Variants in ACYP2 observed in about 807,000 individuals in gnomAD.
The protein encoded by ACYP2 is acylphosphatase-2.
A neutral mutation model predicts 11.2 loss-of-function variants in ACYP2; 12 were observed. The ratio of observed to expected loss-of-function variants is 1.08; its 90% CI spans 0.69 to 1.74. ACYP2 has a LOEUF of 1.74. ACYP2 is among the 40% of genes most tolerant of loss of function. ACYP2 has a pLI of 0.00. For missense variants in ACYP2, 134 were observed against 101.9 expected (o/e 1.31, Z -1.35); for synonymous variants, 43 against 32.2 (o/e 1.33, Z -1.13).
intron 6 of ACYP2, among the ~76,000 whole-genome samples, chr2:54,140,589 CT>C (rs1380227305): frequency 6.6e-6 from 1 of 151,876 alleles, no homozygotes; most frequent in Non-Finnish European, 1.5e-5. Context: ...TCAATATTTG[CT>C]TTTTAAAAAT....
rs192832563 is a variant in ACYP2 at position 54,217,573 on chromosome 2, G to A, written c.404+78825G>A. The stretch of plus-strand genomic sequence containing the variant: ...TTTTTGGTATAGATGGGGTTTCACC[G>A]TGTTGCCCAGGTTGGTCTTGAATTC... On this transcript the variant is annotated intron_variant, in intron 6 of 6. Coordinates refer to ENST00000607452, the MANE Select transcript of ACYP2 (RefSeq NM_001320586.2). 5.1e-3 allele frequency among the ~76,000 whole-genome samples: 772 copies of A among 151,842 alleles called. 5 individuals carry two copies. Among genetic ancestry groups the A allele is most frequent in the African/African-American group, 0.018 (737 of 41,410 alleles).
chr2:54,065,378 A>G, intron 4 of ACYP2: 2 of 397,564 alleles, frequency 5.0e-6, no homozygotes, highest in Non-Finnish European at 8.9e-6. Context: ...GATCAAAATG[A>G]TTTTTCTATT....
intron 4 of ACYP2, 96 bp downstream of exon 1, chr2:54,115,852 C>A: frequency 1.5e-6 from 2 of 1,366,676 alleles, no homozygotes; most frequent in African/African-American, 1.6e-5. Flanking sequence ...TGCCTTTTCC[C>A]GTTGTGGCTG....
At chr2:54,081,117 G>A (rs1465222895) in intron 4 of ACYP2, among the ~76,000 whole-genome samples, 2 of 152,114 alleles carry the variant, frequency 1.3e-5, no homozygotes, top group Non-Finnish European at 2.9e-5. Flanking sequence ...GGCAGACAAT[G>A]AATTCTGTGA....
intron 6 of ACYP2, among the ~76,000 whole-genome samples, chr2:54,225,924 T>C (rs1572960444): frequency 6.6e-6 from 1 of 152,322 alleles, no homozygotes; most frequent in East Asian, 1.9e-4. Flanking sequence ...GATTAATAAC[T>C]CATTGCAGAA....
chr2:54,099,282 G>C (rs1678758902), intron 4 of ACYP2, among the ~76,000 whole-genome samples: 1 of 152,112 alleles, frequency 6.6e-6, no homozygotes, highest in African/African-American at 2.4e-5. Context: ...ACTTTTGTGT[G>C]GTGAGAACAC....
intron 4 of ACYP2, among the ~76,000 whole-genome samples, chr2:54,134,293 A>AAAAT (rs1283754013): frequency 2.0e-5 from 3 of 152,134 alleles, no homozygotes; most frequent in Non-Finnish European, 2.9e-5. Context: ...CCCTGTCTCT[A>AAAAT]AAATAAATAA....
chr2:54,055,341 G>A (rs1289269950), intron 3 of ACYP2, among the ~76,000 whole-genome samples: 1 of 152,010 alleles, frequency 6.6e-6, no homozygotes, highest in Non-Finnish European at 1.5e-5. Context: ...TCTTAAATGA[G>A]ATAATTTCTT....
chr2:54,044,955 C>A (rs1332654350), intron 2 of ACYP2, among the ~76,000 whole-genome samples: 1 of 152,184 alleles, frequency 6.6e-6, no homozygotes, highest in Admixed American at 6.5e-5. Flanking sequence ...CACTCTTTGA[C>A]CTGCTTCCTC....
intron 4 of ACYP2, among the ~76,000 whole-genome samples, chr2:54,076,454 A>G (rs1404188952): frequency 6.6e-6 from 1 of 152,244 alleles, no homozygotes; most frequent in East Asian, 1.9e-4. Flanking sequence ...TTAATGGCAG[A>G]GAAAGGACTG....
At chr2:54,083,118 T>C (rs892290458) in intron 4 of ACYP2, among the ~76,000 whole-genome samples, 3 of 151,012 alleles carry the variant, frequency 2.0e-5, no homozygotes, top group Non-Finnish European at 4.4e-5. Context: ...CTCAGGAAAA[T>C]TACAGAGGAA....
At chr2:54,075,748 G>A (rs1287209755) in intron 4 of ACYP2, among the ~76,000 whole-genome samples, 3 of 152,018 alleles carry the variant, frequency 2.0e-5, no homozygotes, top group Non-Finnish European at 4.4e-5. Flanking sequence ...GGGAGGCCGA[G>A]GTTGCAGTCA....
intron 4 of ACYP2, among the ~76,000 whole-genome samples, chr2:54,130,441 AGT>A (rs1232233901): frequency 6.6e-6 from 1 of 152,202 alleles, no homozygotes; most frequent in Non-Finnish European, 1.5e-5. Context: ...TTTCATTTCC[AGT>A]GTAGTGGGAG....
intron 2 of ACYP2, among the ~76,000 whole-genome samples, chr2:53,982,345 A>G (rs1402545586): frequency 6.6e-6 from 1 of 152,228 alleles, no homozygotes; most frequent in Non-Finnish European, 1.5e-5. Context: ...AAAAGGTATA[A>G]TATATCAAAT....
intron 4 of ACYP2, among the ~76,000 whole-genome samples, chr2:54,059,069 C>T (rs959415012): frequency 3.9e-5 from 6 of 152,100 alleles, no homozygotes; most frequent in African/African-American, 1.4e-4. Flanking sequence ...TGGATTTAGG[C>T]AGTTTTTTAT....
rs931270650 is a variant in ACYP2, at chr2:54,065,483, T to C, written c.277+8123T>C. ...AGATCCAGACTCTGAATTCAGACCA[T>C]GTTTCAATGCTTGGCTATCCCTGAT... On this transcript the variant is annotated intron_variant, in intron 4 of 6. Coordinates refer to ENST00000607452, the MANE Select transcript of ACYP2 (RefSeq NM_001320586.2). 4 of 398,638 alleles carry C rather than the reference T, an allele frequency of 1.0e-5. No individual in the cohort carries two copies. In the South Asian group the frequency reaches 3.8e-4, roughly 38 times the overall value. 24.7% of individuals were successfully genotyped at this position (398,638 alleles called of 1,614,324 possible). A position where few individuals can be genotyped will look rare whatever the true frequency, so the allele number is the denominator to read the frequency against.
intron 4 of ACYP2, among the ~76,000 whole-genome samples, chr2:54,128,662 A>G (rs559306594): frequency 1.3e-5 from 2 of 152,084 alleles, no homozygotes; most frequent in Non-Finnish European, 2.9e-5. Context: ...GTGAGACCCC[A>G]TCTCTTTAAA....
intron 6 of ACYP2, among the ~76,000 whole-genome samples, chr2:54,182,047 A>ATTTTTTTTTTTTTT (rs35145998): frequency 7.2e-5 from 6 of 83,062 alleles, no homozygotes; most frequent in African/African-American, 2.6e-4. Context: ...ATAGAAGATA[A>ATTTTTTTTTTTTTT]TTTTTTTTTT....
intron 6 of ACYP2, among the ~76,000 whole-genome samples, chr2:54,261,580 C>G (rs547311081): frequency 6.6e-6 from 1 of 152,206 alleles, no homozygotes; most frequent in African/African-American, 2.4e-5. Context: ...CTGAAAAGAG[C>G]CTGTGAATTG....
Sources: allele counts gnomAD v4.1 joint callset (sites outside exome capture counted in the v4.1 genomes callset), GRCh38; gene constraint gnomAD v4.1.1; transcripts MANE v1.5; gene names NCBI Gene and HGNC (gene_info 2026-07-23, HGNC 2026-07-21).